SH2D3C: variants seen among roughly 807,000 people sequenced by gnomAD.
SH2D3C encodes SH2 domain-containing protein 3C.
A neutral mutation model predicts 75.2 loss-of-function variants in SH2D3C; 25 were observed. The ratio of observed to expected loss-of-function variants is 0.33; its 90% CI spans 0.24 to 0.46. SH2D3C has a LOEUF of 0.46. Ranked by LOEUF, SH2D3C falls within the 20% of genes least tolerant of loss-of-function variation. The pLI is 1.00. For missense variants in SH2D3C, 933 were observed against 1,165.3 expected, an observed-to-expected ratio of 0.80 and a Z score of 2.90; for synonymous variants, 450 against 473.7, an observed-to-expected ratio of 0.95 and a Z score of 0.65.
intron 2 of SH2D3C, chr9:127,762,224 C>CAGGGTGGAGAGCCTGGAG: frequency 8.3e-7 from 1 of 1,201,906 alleles, no homozygotes; most frequent in Non-Finnish European, 1.1e-6. Flanking sequence ...ATTCTGCCCC[C>CAGGGTGGAGAGCCTGGAG]AGGGTGGAGA....
At position 127,739,614 on chromosome 9, in the gene SH2D3C, G is replaced by T; in HGVS notation, c.2407+68C>A. 1 of 1,416,372 alleles carries T rather than the reference G, an allele frequency of 7.1e-7. No homozygotes were observed. Among genetic ancestry groups the T allele is most frequent in the South Asian group, 1.3e-5 (1 of 77,756 alleles). 87.7% of individuals were successfully genotyped at this position (1,416,372 alleles called of 1,614,324 possible). A position where few individuals can be genotyped will look rare whatever the true frequency, so the allele number is the denominator to read the frequency against. Reference sequence around the variant, plus strand: ...TGTGAATGGATGCCTTGGAGAAAAGGGAAGCAGTGAGGCAGGTGGAGGGAG... The same window carrying T: ...TGTGAATGGATGCCTTGGAGAAAAGTGAAGCAGTGAGGCAGGTGGAGGGAG... On this transcript the variant is annotated intron_variant, in intron 11 of 11. Coordinates refer to ENST00000314830, the MANE Select transcript of SH2D3C (RefSeq NM_170600.3). This position sits in a 1 kb window ranked among gnomAD's most constrained non-coding sequence, Gnocchi z 4.3.
chr9:127,762,330 T>TACC, intron 2 of SH2D3C: 6 of 1,300,922 alleles, frequency 4.6e-6, no homozygotes, highest in Non-Finnish European at 6.1e-6. Context: ...CCTTAAATGC[T>TACC]ACCCCTACCC....
At chr9:127,757,796 G>A (rs187670046) in intron 3 of SH2D3C, among the ~76,000 whole-genome samples, 1 of 152,020 alleles carries the variant, frequency 6.6e-6, no homozygotes, top group African/African-American at 2.4e-5. Flanking sequence ...TGGGATTACA[G>A]TAGTGTGCCA....
At chr9:127,757,254 C>T (rs1304635051) in intron 3 of SH2D3C, among the ~76,000 whole-genome samples, 1 of 149,080 alleles carries the variant, frequency 6.7e-6, no homozygotes, top group East Asian at 2.0e-4. Context: ...ACTATTGATT[C>T]CTTTTAACCC....
At position 127,755,041 on chromosome 9, in the gene SH2D3C, G is replaced by A. The variant is rs1051978529; in HGVS notation, c.556-3741C>T. On this transcript the variant is annotated intron_variant, in intron 3 of 11. Transcript: ENST00000314830. Reference sequence around the variant, plus strand: ...CCGGGCGGAGCGGCCGGGGGTCCCAGCCCGGCGCGCGTGGCGGGGGCCGAG... The same window carrying A: ...CCGGGCGGAGCGGCCGGGGGTCCCAACCCGGCGCGCGTGGCGGGGGCCGAG... 8 of 1,057,134 alleles carry A rather than the reference G, an allele frequency of 7.6e-6. No individual in the cohort carries two copies. The African/African-American group carries it at 1.4e-4, about 18-fold the overall frequency. The allele number at this position is 1,057,134 out of a possible 1,614,324, so 65.5% of individuals were successfully genotyped here. A position where few individuals can be genotyped will look rare whatever the true frequency, so the allele number is the denominator to read the frequency against.
intron 3 of SH2D3C, among the ~76,000 whole-genome samples, chr9:127,757,632 TGATGATGATGATG>T (rs1845423230): frequency 6.7e-5 from 8 of 120,292 alleles, no homozygotes; most frequent in East Asian, 2.5e-4. Context: ...ATGATGATGA[TGATGATGATGATG>T]ATTATTATTA....
intron 7 of SH2D3C, 28 bp downstream of exon 7, chr9:127,744,535 CT>C (rs773419295): frequency 1.3e-6 from 2 of 1,579,368 alleles, no homozygotes; most frequent in East Asian, 4.5e-5. Flanking sequence ...GAGATGCTCC[CT>C]CCACCCCAGT....
At chr9:127,747,573 G>A (rs1346787340) in intron 5 of SH2D3C, among the ~76,000 whole-genome samples, 2 of 148,734 alleles carry the variant, frequency 1.3e-5, no homozygotes, top group Admixed American at 6.8e-5. Flanking sequence ...TCACTCTGTC[G>A]CCCAGACTGC....
At chr9:127,778,028 C>T (rs964298020) in intron 1 of SH2D3C, among the ~76,000 whole-genome samples, 1 of 152,052 alleles carries the variant, frequency 6.6e-6, no homozygotes, top group African/African-American at 2.4e-5. Context: ...CGCTGTGTCG[C>T]CCAGACTGGA....
At chr9:127,750,864 G>A (rs1395972271) in intron 4 of SH2D3C, among the ~76,000 whole-genome samples, 8 of 152,218 alleles carry the variant, frequency 5.3e-5, no homozygotes, top group African/African-American at 1.2e-4. Context: ...AACAATAACA[G>A]CATAATAATA....
At chr9:127,745,237 C>G (rs1409255176) in intron 6 of SH2D3C, 138 bp from the exon 7 acceptor site, 4 of 644,632 alleles carry the variant, frequency 6.2e-6, no homozygotes, top group African/African-American at 1.9e-5. Flanking sequence ...CCTGCATCAC[C>G]AGAGACCAGG....
intron 1 of SH2D3C, among the ~76,000 whole-genome samples, chr9:127,775,012 C>T (rs1240626689): frequency 6.6e-5 from 10 of 151,920 alleles, no homozygotes; most frequent in East Asian, 1.9e-4. Flanking sequence ...TGCTTGAACC[C>T]GGGAGGCGGA....
At chr9:127,760,195 G>T (rs975754636) in intron 3 of SH2D3C, among the ~76,000 whole-genome samples, 2 of 151,982 alleles carry the variant, frequency 1.3e-5, no homozygotes, top group African/African-American at 4.8e-5. Context: ...CAAGCGCAAA[G>T]CACTATATGC....
At chr9:127,755,190 TG>T in intron 3 of SH2D3C, 17 of 1,199,000 alleles carry the variant, frequency 1.4e-5, no homozygotes, top group Non-Finnish European at 1.7e-5. Context: ...GCCGGGACGG[TG>T]TGGGGGGGCG....
intron 9 of SH2D3C, 79 bp downstream of exon 9, chr9:127,741,709 C>T: frequency 6.7e-7 from 1 of 1,494,338 alleles, no homozygotes; most frequent in Middle Eastern, 2.0e-4. Context: ...CTCCTGATTC[C>T]ATATACAGCC....
Position 127,739,662 on chromosome 9 carries a change from A to G in SH2D3C, c.2407+20T>C, listed in dbSNP as rs369055666. On this transcript the variant is annotated intron_variant, in intron 11 of 11. Coordinates refer to ENST00000314830, the MANE Select transcript of SH2D3C (RefSeq NM_170600.3). The surrounding 1 kb of genome is among the most constrained non-coding windows in gnomAD (Gnocchi z 4.3). Reference sequence around the variant, plus strand: ...GAGGCCCAGGCCTGCAAGCCCCCCAAGATGCCACCCGCCACTCACCCTGCA... The same window carrying G: ...GAGGCCCAGGCCTGCAAGCCCCCCAGGATGCCACCCGCCACTCACCCTGCA... The G allele has an allele frequency of 3.6e-4, 571 of 1,587,840 alleles. No individual in the cohort carries two copies. Among genetic ancestry groups the G allele is most frequent in the Non-Finnish European group, 4.6e-4 (538 of 1,163,654 alleles).
chr9:127,765,474 C>T (rs1247680630), intron 2 of SH2D3C, among the ~76,000 whole-genome samples: 2 of 152,102 alleles, frequency 1.3e-5, no homozygotes, highest in Non-Finnish European at 2.9e-5. Flanking sequence ...CCCTGCAGCC[C>T]TGAGGACAAA....
intron 2 of SH2D3C, among the ~76,000 whole-genome samples, chr9:127,767,974 C>G (rs1395067641): frequency 1.3e-5 from 2 of 152,200 alleles, no homozygotes; most frequent in Non-Finnish European, 2.9e-5. Context: ...GGATGTGGAT[C>G]CAGCTAGGGG....
At chr9:127,757,888 T>A (rs111721521) in intron 3 of SH2D3C, among the ~76,000 whole-genome samples, 2 of 152,094 alleles carry the variant, frequency 1.3e-5, no homozygotes, top group African/African-American at 4.8e-5. Flanking sequence ...CTTGAACTCC[T>A]GACCTCAAGT....
Sources: gnomAD v4.1 joint callset for allele counts (sites outside exome capture counted in the v4.1 genomes callset) on GRCh38, gnomAD v4.1.1 for gene constraint, Gnocchi (gnomAD v3.1) non-coding constraint, MANE v1.5 for transcripts, NCBI Gene and HGNC (gene_info 2026-07-23, HGNC 2026-07-21) for gene names.